CCDC40: variants seen among roughly 807,000 people sequenced by gnomAD.
The protein encoded by CCDC40 is coiled-coil domain 40 molecular ruler complex subunit, also known as coiled-coil domain-containing protein 40.
CCDC40 carries 104 observed loss-of-function variants against 124.5 expected under a neutral mutation model. The ratio of observed to expected loss-of-function variants is 0.84; its 90% CI spans 0.71 to 0.98. The LOEUF (loss-of-function observed/expected upper bound fraction) is 0.98. Among genes scored for constraint, CCDC40 ranks in the 50% least tolerant of loss-of-function variants. The probability of loss-of-function intolerance (pLI) is 0.00; values close to 1 mark genes in which losing one functional copy is unlikely to be tolerated. For missense variants in CCDC40, 1,463 were observed against 1,503.9 expected, an observed-to-expected ratio of 0.97 and a Z score of 0.45; for synonymous variants, 580 against 602.9, an observed-to-expected ratio of 0.96 and a Z score of 0.56.
chr17:80,090,261 G>C lies in CCDC40; in HGVS notation c.2832+377G>C. 8.8e-6 allele frequency: 7 copies of C among 798,074 alleles called. 1 individual carries two copies. The highest frequency in any genetic ancestry group is 7.2e-5 in the South Asian group (3 of 41,878). 49.4% of individuals were successfully genotyped at this position (798,074 alleles called of 1,614,324 possible). ...CACGTGCACGAACAACACGGGACGC[G>C]CGCGGGCACGTGCACGAACAACACG... On this transcript the variant is annotated intron_variant, in intron 17 of 19. Transcript: ENST00000397545.
chr17:80,071,071 G>A lies in CCDC40; in HGVS notation c.1562+5465G>A, dbSNP rs546566998. Among the ~76,000 whole-genome samples, 5 of 152,326 alleles carry A rather than the reference G, an allele frequency of 3.3e-5. No individual in the cohort carries two copies. In the South Asian group the frequency reaches 6.2e-4, roughly 19 times the overall value. Reference sequence around the variant, plus strand: ...GTCCCAAAGCTAGGTGAATAACCACGAGGAGCCCACGGTCAGCCCCTTCCC... The same window carrying A: ...GTCCCAAAGCTAGGTGAATAACCACAAGGAGCCCACGGTCAGCCCCTTCCC... On this transcript the variant is annotated intron_variant, in intron 10 of 19. Transcript: ENST00000397545.
chr17:80,087,621 GAGA>G lies in CCDC40; in HGVS notation c.2470_2472del (p.Lys824del), dbSNP rs2038614460. The G allele has an allele frequency of 1.9e-6, 3 of 1,614,040 alleles. No homozygotes were observed. Among genetic ancestry groups the G allele is most frequent in the South Asian group, 1.1e-5 (1 of 91,090 alleles). ...TTCTGCCATAGGCAAGATTGAGCAGGAGAAGAAGGAGCAGAAGGAGATCGAGCA... is the reference window on the plus strand; with the variant it reads ...TTCTGCCATAGGCAAGATTGAGCAGGAGAAGGAGCAGAAGGAGATCGAGCA... On this transcript the variant is annotated inframe_deletion, in exon 15 of 20. Coordinates refer to ENST00000397545, the MANE Select transcript of CCDC40 (RefSeq NM_017950.4). This position sits in a 1 kb window ranked among gnomAD's most constrained non-coding sequence, Gnocchi z 4.5.
At chr17:80,040,643 C>A in intron 3 of CCDC40, 2 of 212,422 alleles carry the variant, frequency 9.4e-6, no homozygotes, top group Non-Finnish European at 1.9e-5. Context: ...CCCACCATTG[C>A]ACTATAGCCT....
rs1257696904 is a variant in CCDC40 at position 80,081,985 on chromosome 17, A to C, written c.1916A>C (p.His639Pro). 2.5e-6 allele frequency: 4 copies of C among 1,613,914 alleles called. No homozygotes were observed. The African/African-American group carries it at 4.0e-5, about 16-fold the overall frequency. Reference protein sequence around the residue: ...DAAIREKLQEHMTSNKTTKYF... With the variant: ...DAAIREKLQEPMTSNKTTKYF... ...GCCATCCGGGAGAAGCTGCAGGAGC[A>C]CATGACCTCCAACAAGACCACCAAA... The change falls in exon 12 of 20, where the codon CAC (histidine) becomes CCC (proline). Residue 639 changes from histidine to proline, a missense_variant. Transcript: ENST00000397545.
Position 80,081,530 on chromosome 17 carries a change from C to T in CCDC40, c.1563-16C>T, listed in dbSNP as rs377057189. 1.6e-5 allele frequency: 26 copies of T among 1,613,140 alleles called. No homozygotes were observed. The highest frequency in any genetic ancestry group is 8.9e-5 in the East Asian group (4 of 44,900). On this transcript the variant is annotated splice_polypyrimidine_tract_variant and intron_variant, in intron 10 of 19. Coordinates refer to ENST00000397545, the MANE Select transcript of CCDC40 (RefSeq NM_017950.4). ...TGTCTCACACGTAACTGGCTCTCCC[C>T]GCTGCATTTCTACAGAGGATGCCAG... is the stretch of plus-strand genomic sequence containing the variant.
rs1287895021 is a variant in CCDC40, at chr17:80,099,864, T to TA, written c.*94dup. ...AGGGACTTGGAATCTTTTGTGTTCC[T>TA]AAAAACCACATGTACCCTCAGAAGG... is the stretch of plus-strand genomic sequence containing the variant. On this transcript the variant is annotated 3_prime_UTR_variant, in exon 20 of 20. Transcript: ENST00000397545. 32 of 1,458,406 alleles carry TA rather than the reference T, an allele frequency of 2.2e-5. No individual in the cohort carries two copies. The highest frequency in any genetic ancestry group is 1.9e-4 in the Middle Eastern group (1 of 5,250). The allele number at this position is 1,458,406 out of a possible 1,614,324, so 90.3% of individuals were successfully genotyped here.
intron 1 of CCDC40, among the ~76,000 whole-genome samples, chr17:80,037,688 A>AATATATATATATATATATATATATATAT: frequency 2.2e-5 from 1 of 45,678 alleles, no homozygotes; most frequent in Non-Finnish European, 5.4e-5. Flanking sequence ...TTTTTTAAAA[A>AATATATATATATATATATATATATATAT]AGATATACAT....
chr17:80,096,220 G>C (rs1038203450), intron 18 of CCDC40, among the ~76,000 whole-genome samples: 4 of 152,160 alleles, frequency 2.6e-5, no homozygotes, highest in African/African-American at 7.2e-5. Flanking sequence ...GCATGGCTTG[G>C]AGCCACGCTG....
Position 80,084,786 on chromosome 17 carries a change from C to T in CCDC40, c.2033C>T (p.Thr678Ile), listed in dbSNP as rs2038540970. The change falls in exon 13 of 20, where the codon ACC becomes ATC. Residue 678 changes from threonine to isoleucine, a missense_variant. Coordinates refer to ENST00000397545, the MANE Select transcript of CCDC40 (RefSeq NM_017950.4). Reference protein sequence around the residue: ...SKINGDIAQTTLDITHTSSRL... With the variant: ...SKINGDIAQTILDITHTSSRL... ...ATCAACGGTGACATTGCCCAGACCA[C>T]CCTGGACATCACACACACCAGCAGC... 1 of 1,613,986 alleles carries T rather than the reference C, an allele frequency of 6.2e-7. No individual in the cohort carries two copies.
At chr17:80,057,421 G>C (rs184844510) in intron 7 of CCDC40, among the ~76,000 whole-genome samples, 1 of 152,016 alleles carries the variant, frequency 6.6e-6, no homozygotes, top group Non-Finnish European at 1.5e-5. Context: ...TGTATCCTTC[G>C]AGCACACCTG....
At position 80,066,801 on chromosome 17, in the gene CCDC40, A is replaced by G. The variant is rs1044387243; in HGVS notation, c.1562+1195A>G. ...ATTTCCTTCACTCCCTTGAGTCAAC[A>G]ACATAAAGCCAAAGGGAACACTGTG... On this transcript the variant is annotated intron_variant, in intron 10 of 19. Transcript: ENST00000397545. The surrounding 1 kb of genome is among the most constrained non-coding windows in gnomAD (Gnocchi z 4.4). 1.3e-5 allele frequency: 2 copies of G among 152,504 alleles called. No homozygotes were observed. Among genetic ancestry groups the G allele is most frequent in the African/African-American group, 2.4e-5 (1 of 41,444 alleles). 9.4% of individuals were successfully genotyped at this position (152,504 alleles called of 1,614,324 possible). A position where few individuals can be genotyped will look rare whatever the true frequency, so the allele number is the denominator to read the frequency against.
chr17:80,085,914 C>T (rs1385687192), intron 13 of CCDC40, 89 bp from the exon 14 acceptor site: 40 of 1,228,556 alleles, frequency 3.3e-5, no homozygotes, highest in Non-Finnish European at 3.4e-5. Flanking sequence ...GGGTGATCCA[C>T]CCGCCTCAGC....
At chr17:80,092,549 G>A (rs1352840989) in intron 17 of CCDC40, among the ~76,000 whole-genome samples, 1 of 152,196 alleles carries the variant, frequency 6.6e-6, no homozygotes, top group Non-Finnish European at 1.5e-5. Flanking sequence ...TATTGAGCCT[G>A]ACTTTCCTTG....
chr17:80,085,031 G>A (rs1309915793), intron 13 of CCDC40, 43 bp downstream of exon 13: 2 of 1,608,010 alleles, frequency 1.2e-6, no homozygotes, highest in Admixed American at 1.7e-5. Flanking sequence ...GCTGACTGTG[G>A]TGCCTGGTGG....
chr17:80,039,767 C>CT, intron 2 of CCDC40, 45 bp from the exon 3 acceptor site: 1 of 1,603,968 alleles, frequency 6.2e-7, no homozygotes, highest in Non-Finnish European at 8.5e-7. Context: ...TCACAAGGTC[C>CT]TTTATACTTT....
chr17:80,079,767 C>CAA (rs34238595), intron 10 of CCDC40, among the ~76,000 whole-genome samples: 23,666 of 136,508 alleles, frequency 0.17, 2,267 homozygotes, highest in East Asian at 0.31. Context: ...ACTAAAAATA[C>CAA]AAAAAAAAAA....
chr17:80,057,420 C>T (rs935843017), intron 7 of CCDC40, among the ~76,000 whole-genome samples: 2 of 151,932 alleles, frequency 1.3e-5, no homozygotes, highest in Admixed American at 6.6e-5. Context: ...CTGTATCCTT[C>T]GAGCACACCT....
intron 10 of CCDC40, among the ~76,000 whole-genome samples, chr17:80,080,202 A>AG (rs1339351047): frequency 3.5e-5 from 3 of 85,280 alleles, no homozygotes; most frequent in African/African-American, 1.8e-4. Flanking sequence ...TCAAAAAAAA[A>AG]AAAAGAAAGA....
At chr17:80,062,298 T>C (rs2143663391) in intron 9 of CCDC40, among the ~76,000 whole-genome samples, 1 of 152,324 alleles carries the variant, frequency 6.6e-6, no homozygotes, top group African/African-American at 2.4e-5. Context: ...TATTAATTTC[T>C]TATTTTAATT....
Sources: allele counts gnomAD v4.1 joint callset (sites outside exome capture counted in the v4.1 genomes callset), GRCh38; gene constraint gnomAD v4.1.1; non-coding constraint Gnocchi (gnomAD v3.1); transcripts MANE v1.5; gene names NCBI Gene and HGNC (gene_info 2026-07-23, HGNC 2026-07-21).